ACBD3: variants seen among roughly 807,000 people sequenced by gnomAD.
ACBD3 encodes acyl-CoA binding domain containing 3.
ACBD3 carries 30 observed loss-of-function variants against 66.9 expected under a neutral mutation model. That is an observed-to-expected ratio of 0.45 (90% CI 0.34 to 0.61). The LOEUF (loss-of-function observed/expected upper bound fraction) is 0.61. ACBD3 is among the 20% of genes least tolerant of loss of function. The pLI is 0.02. For missense variants in ACBD3, 544 were observed against 664.5 expected (o/e 0.82, Z 1.99); for synonymous variants, 278 against 259.8 (o/e 1.07, Z -0.68).
At chr1:226,176,951 T>C (rs968607667) in intron 1 of ACBD3, among the ~76,000 whole-genome samples, 2 of 152,228 alleles carry the variant, frequency 1.3e-5, no homozygotes, top group Admixed American at 6.5e-5. Context: ...CGAAGAAACA[T>C]GTCCAGCAAC....
chr1:226,159,204 C>G lies in ACBD3; in HGVS notation c.883G>C (p.Val295Leu). 6.2e-7 allele frequency: 1 copy of G among 1,614,172 alleles called. No homozygotes were observed. The highest frequency in any genetic ancestry group is 8.5e-7 in the Non-Finnish European group (1 of 1,180,008). ...YQQYMQQLYQ[V>L]QLAQQQAALQ... Reference sequence around the variant, plus strand: ...CGTACCTGTTGCTGTGCAAGCTGGACTTGATACAACTGCTGCATGTACTGC... The same window carrying G: ...CGTACCTGTTGCTGTGCAAGCTGGAGTTGATACAACTGCTGCATGTACTGC... The change falls in exon 5 of 8, where the codon GTC becomes CTC. Residue 295 changes from valine to leucine, a missense_variant. This residue lies in a region of ACBD3 where 383 missense variants were observed against 462.4 expected (regional missense o/e 0.83). Transcript: ENST00000366812.
chr1:226,159,201 G>C lies in ACBD3; in HGVS notation c.886C>G (p.Gln296Glu), dbSNP rs1321442034. 6.2e-7 allele frequency: 1 copy of C among 1,614,054 alleles called. No individual in the cohort carries two copies. The highest frequency in any genetic ancestry group is 8.5e-7 in the Non-Finnish European group (1 of 1,180,030). Residue 296 changes from glutamine to glutamate, a missense_variant, in exon 5 of 8, where the codon CAG (glutamine) becomes GAG (glutamate). Gln to Glu is a conservative substitution (Grantham distance 29). Coordinates refer to ENST00000366812, the MANE Select transcript of ACBD3 (RefSeq NM_022735.4). ...TATCGTACCTGTTGCTGTGCAAGCT[G>C]GACTTGATACAACTGCTGCATGTAC... ...QQYMQQLYQV[Q>E]LAQQQAALQK...
intron 1 of ACBD3, among the ~76,000 whole-genome samples, chr1:226,166,356 C>G (rs1383430733): frequency 6.6e-6 from 1 of 151,972 alleles, no homozygotes; most frequent in East Asian, 1.9e-4. Flanking sequence ...TGGTCTCGAA[C>G]TTTTGGGCTC....
intron 2 of ACBD3, 145 bp downstream of exon 2, chr1:226,165,714 T>C: frequency 1.3e-6 from 1 of 789,834 alleles, no homozygotes; most frequent in African/African-American, 1.8e-5. Flanking sequence ...CAGATAAATA[T>C]CTGAAGACTC....
chr1:226,151,574 AT>A (rs910257915), intron 7 of ACBD3, among the ~76,000 whole-genome samples: 1 of 152,206 alleles, frequency 6.6e-6, no homozygotes, highest in African/African-American at 2.4e-5. Flanking sequence ...AATAATTGAA[AT>A]TTTTTTAAGT....
chr1:226,146,889 C>A, intron 7 of ACBD3, 68 bp from the exon 8 acceptor site: 1 of 1,449,004 alleles, frequency 6.9e-7, no homozygotes. Context: ...CAATTAAAAT[C>A]TATCCTTTCT....
At chr1:226,150,142 T>A (rs972875477) in intron 7 of ACBD3, among the ~76,000 whole-genome samples, 3 of 150,516 alleles carry the variant, frequency 2.0e-5, no homozygotes, top group African/African-American at 7.3e-5. Context: ...CACTACAGCC[T>A]CGAATTCCTG....
At chr1:226,181,824 G>T (rs964952737) in intron 1 of ACBD3, among the ~76,000 whole-genome samples, 1 of 152,096 alleles carries the variant, frequency 6.6e-6, no homozygotes, top group Non-Finnish European at 1.5e-5. Context: ...CAATTCCCCA[G>T]GTCAACTCCA....
rs542240762 is a variant in ACBD3, at chr1:226,147,998, A to G, written c.1376-1177T>C. On this transcript the variant is annotated intron_variant, in intron 7 of 7. Coordinates refer to ENST00000366812, the MANE Select transcript of ACBD3 (RefSeq NM_022735.4). Reference sequence around the variant, plus strand: ...AGGCATGGATTTTCAGGTTTATAACATGGCAGAGTGAATTCTGGCAACACA... The same window carrying G: ...AGGCATGGATTTTCAGGTTTATAACGTGGCAGAGTGAATTCTGGCAACACA... 10 of 152,276 alleles carry G rather than the reference A, an allele frequency of 6.6e-5. No individual in the cohort carries two copies. In the East Asian group the frequency reaches 1.7e-3, roughly 26 times the overall value. 9.4% of individuals were successfully genotyped at this position (152,276 alleles called of 1,614,324 possible).
chr1:226,179,349 AC>A (rs1374233176), intron 1 of ACBD3, among the ~76,000 whole-genome samples: 1 of 151,910 alleles, frequency 6.6e-6, no homozygotes, highest in African/African-American at 2.4e-5. Context: ...TTTGTTTTTA[AC>A]CCTAAAGGAT....
intron 1 of ACBD3, among the ~76,000 whole-genome samples, chr1:226,184,769 C>T (rs1429232057): frequency 2.0e-5 from 3 of 151,578 alleles, no homozygotes; most frequent in African/African-American, 4.8e-5. Context: ...ATGATCTCGG[C>T]TCACTGCAAC....
intron 5 of ACBD3, among the ~76,000 whole-genome samples, chr1:226,156,321 A>C (rs1415804534): frequency 6.6e-6 from 1 of 152,216 alleles, no homozygotes; most frequent in East Asian, 1.9e-4. Flanking sequence ...TTACTTTTAT[A>C]AGCTACATCT....
At chr1:226,185,720 C>CT (rs1242070712) in intron 1 of ACBD3, among the ~76,000 whole-genome samples, 6 of 152,120 alleles carry the variant, frequency 3.9e-5, no homozygotes, top group Non-Finnish European at 5.9e-5. Context: ...AGGCCTTACT[C>CT]TGAGAATTCA....
chr1:226,177,726 T>C lies in ACBD3; in HGVS notation c.286+8664A>G, dbSNP rs573208036. Among the ~76,000 whole-genome samples the C allele has an allele frequency of 2.6e-5, 4 of 151,932 alleles. No individual in the cohort carries two copies. In the South Asian group the frequency reaches 8.3e-4, roughly 32 times the overall value. The stretch of plus-strand genomic sequence containing the variant: ...ATCTTAAGTGCAGACGGATTTTTAG[T>C]ATGAGTTGTTTTGAGCCACTATTTT... On this transcript the variant is annotated intron_variant, in intron 1 of 7. Coordinates refer to ENST00000366812, the MANE Select transcript of ACBD3 (RefSeq NM_022735.4).
chr1:226,163,549 C>A (rs2102781684), intron 3 of ACBD3, among the ~76,000 whole-genome samples: 1 of 152,008 alleles, frequency 6.6e-6, no homozygotes, highest in South Asian at 2.1e-4. Context: ...TGTAATCAAG[C>A]AATTTCCTAT....
At chr1:226,176,429 C>CAAAAAAAAA (rs34313392) in intron 1 of ACBD3, among the ~76,000 whole-genome samples, 1 of 83,352 alleles carries the variant, frequency 1.2e-5, no homozygotes, top group African/African-American at 5.1e-5. Flanking sequence ...GACTCCGTCT[C>CAAAAAAAAA]AAAAAAAAAA....
At chr1:226,161,018 A>G (rs996374447) in intron 4 of ACBD3, among the ~76,000 whole-genome samples, 1 of 152,258 alleles carries the variant, frequency 6.6e-6, no homozygotes, top group African/African-American at 2.4e-5. Flanking sequence ...TGCAGAGAGC[A>G]AGGATGAAGC....
intron 1 of ACBD3, among the ~76,000 whole-genome samples, chr1:226,173,749 TTTC>T (rs1301560272): frequency 3.7e-5 from 5 of 136,896 alleles, no homozygotes; most frequent in East Asian, 2.1e-4. Flanking sequence ...CTTCTTTTTT[TTTC>T]TTTTCTTTTT....
intron 3 of ACBD3, among the ~76,000 whole-genome samples, chr1:226,163,129 T>C (rs1391827683): frequency 5.3e-5 from 8 of 152,290 alleles, no homozygotes; most frequent in African/African-American, 1.9e-4. Context: ...GACCTACTTT[T>C]AATGTGTCAC....
Sources: gnomAD v4.1 joint callset for allele counts (sites outside exome capture counted in the v4.1 genomes callset) on GRCh38, gnomAD v4.1.1 for gene constraint, gnomAD v4.1.1 regional missense constraint, MANE v1.5 for transcripts, NCBI Gene and HGNC (gene_info 2026-07-23, HGNC 2026-07-21) for gene names.